ARIH1: variants seen among roughly 807,000 people sequenced by gnomAD.
ARIH1 encodes E3 ubiquitin-protein ligase ARIH1.
Under a neutral mutation model 85.0 loss-of-function variants are expected in ARIH1, and 8 were observed. The observed-to-expected ratio is 0.09, with a 90% confidence interval of 0.06 to 0.17. The LOEUF (loss-of-function observed/expected upper bound fraction) is 0.17, where lower values mean the gene tolerates loss of function less well. Ranked by LOEUF, ARIH1 falls within the 10% of genes least tolerant of loss-of-function variation. The pLI is 1.00. For synonymous variants in ARIH1, 238 were observed against 253.6 expected (o/e 0.94, Z 0.59); for missense variants, 311 against 718.1 (o/e 0.43, Z 6.48).
intron 1 of ARIH1, among the ~76,000 whole-genome samples, chr15:72,487,485 C>T (rs2063842155): frequency 6.6e-6 from 1 of 152,160 alleles, no homozygotes; most frequent in Admixed American, 6.5e-5. Context: ...GGACATTTAT[C>T]TTGGAATTTG....
At chr15:72,491,144 A>G (rs540487030) in intron 1 of ARIH1, among the ~76,000 whole-genome samples, 1 of 151,964 alleles carries the variant, frequency 6.6e-6, no homozygotes, top group Non-Finnish European at 1.5e-5. Context: ...AAAATAAAAG[A>G]TTTATTAGCA....
chr15:72,528,781 G>A (rs2064041662), intron 2 of ARIH1, among the ~76,000 whole-genome samples: 1 of 152,174 alleles, frequency 6.6e-6, no homozygotes, highest in South Asian at 2.1e-4. Flanking sequence ...CTGGAGCCCA[G>A]GAGGGTGGAG....
intron 1 of ARIH1, among the ~76,000 whole-genome samples, chr15:72,498,570 C>T (rs1356183401): frequency 6.6e-6 from 1 of 152,172 alleles, no homozygotes; most frequent in African/African-American, 2.4e-5. Context: ...CTTGGTCTGG[C>T]GTGGTGGCTC....
intron 7 of ARIH1, among the ~76,000 whole-genome samples, chr15:72,564,693 A>G (rs933440666): frequency 6.6e-6 from 1 of 152,176 alleles, no homozygotes; most frequent in Non-Finnish European, 1.5e-5. Context: ...TCTAAACAAC[A>G]TAAATTTATT....
intron 1 of ARIH1, among the ~76,000 whole-genome samples, chr15:72,479,929 G>T (rs974087076): frequency 1.3e-5 from 2 of 150,620 alleles, no homozygotes; most frequent in African/African-American, 2.4e-5. Flanking sequence ...GTGCGGTGGT[G>T]CGATCTCGGC....
chr15:72,488,017 A>G (rs2063844068), intron 1 of ARIH1, among the ~76,000 whole-genome samples: 1 of 151,276 alleles, frequency 6.6e-6, no homozygotes, highest in Non-Finnish European at 1.5e-5. Flanking sequence ...TCTTCTTTTG[A>G]TACCTTTTCT....
chr15:72,478,856 C>T (rs2063804405), intron 1 of ARIH1, among the ~76,000 whole-genome samples: 2 of 152,154 alleles, frequency 1.3e-5, no homozygotes, highest in South Asian at 4.1e-4. Context: ...CAGAAATGCT[C>T]TGAAATCACT....
At position 72,588,416 on chromosome 15, in the gene ARIH1, A is replaced by T. The variant is rs1172503477; in HGVS notation, c.*5124A>T. The T allele has an allele frequency of 2.6e-5, 4 of 152,182 alleles. No homozygotes were observed. The highest frequency in any genetic ancestry group is 5.9e-5 in the Non-Finnish European group (4 of 68,026). The allele number at this position is 152,182 out of a possible 1,614,324, so 9.4% of individuals were successfully genotyped here. A position where few individuals can be genotyped will look rare whatever the true frequency, so the allele number is the denominator to read the frequency against. ...AATATTAGTGCCTGAGTGTTACTTTATGGAGATTATGATTTAATTGCTTTG... is the reference window on the plus strand; with the variant it reads ...AATATTAGTGCCTGAGTGTTACTTTTTGGAGATTATGATTTAATTGCTTTG... On this transcript the variant is annotated 3_prime_UTR_variant, in exon 14 of 14. Coordinates refer to ENST00000379887, the MANE Select transcript of ARIH1 (RefSeq NM_005744.5).
chr15:72,529,058 C>T (rs1175457449), intron 2 of ARIH1, among the ~76,000 whole-genome samples: 4 of 150,996 alleles, frequency 2.6e-5, no homozygotes, highest in African/African-American at 9.7e-5. Context: ...AAATTAGCCG[C>T]GTGTGGTGAT....
intron 1 of ARIH1, among the ~76,000 whole-genome samples, chr15:72,506,438 G>A (rs903552248): frequency 5.3e-5 from 8 of 150,330 alleles, no homozygotes; most frequent in East Asian, 3.9e-4. Context: ...GGATATTTTC[G>A]TGTGTTTTTC....
At chr15:72,544,553 TACACAC>T (rs3028479) in intron 2 of ARIH1, among the ~76,000 whole-genome samples, 12 of 149,376 alleles carry the variant, frequency 8.0e-5, no homozygotes, top group African/African-American at 1.7e-4. Context: ...TTTACATACA[TACACAC>T]ACACACACAC....
At chr15:72,516,814 G>A (rs1210843218) in intron 1 of ARIH1, among the ~76,000 whole-genome samples, 1 of 152,036 alleles carries the variant, frequency 6.6e-6, no homozygotes, top group Non-Finnish European at 1.5e-5. Flanking sequence ...AGCTAACTAC[G>A]GTCTGCTTGT....
Position 72,591,565 on chromosome 15 carries a change from CA to C in ARIH1, c.*8274del, listed in dbSNP as rs952472488. ...TCTTAGGGATCCTATCCAAAAACACCATTACTTGAATTTCCCAGCTTCCTTT... is the reference window on the plus strand; with the variant it reads ...TCTTAGGGATCCTATCCAAAAACACCTTACTTGAATTTCCCAGCTTCCTTT... On this transcript the variant is annotated 3_prime_UTR_variant, in exon 14 of 14. Coordinates refer to ENST00000379887, the MANE Select transcript of ARIH1 (RefSeq NM_005744.5). The C allele has an allele frequency of 2.0e-5, 3 of 152,182 alleles. No individual in the cohort carries two copies. Among genetic ancestry groups the C allele is most frequent in the Non-Finnish European group, 4.4e-5 (3 of 68,052 alleles). 9.4% of individuals were successfully genotyped at this position (152,182 alleles called of 1,614,324 possible).
chr15:72,494,591 A>T (rs921685090), intron 1 of ARIH1, among the ~76,000 whole-genome samples: 6 of 152,168 alleles, frequency 3.9e-5, no homozygotes, highest in African/African-American at 1.4e-4. Flanking sequence ...GTTGAGATGG[A>T]CTTAATTCAC....
chr15:72,576,277 G>A (rs1370897742), intron 11 of ARIH1, among the ~76,000 whole-genome samples: 5 of 152,014 alleles, frequency 3.3e-5, no homozygotes, highest in African/African-American at 7.2e-5. Flanking sequence ...AGGCCGAGGC[G>A]GGCGGATCAC....
intron 1 of ARIH1, among the ~76,000 whole-genome samples, chr15:72,491,592 T>G (rs931170408): frequency 6.6e-6 from 1 of 152,178 alleles, no homozygotes; most frequent in Non-Finnish European, 1.5e-5. Context: ...TTGATAAAAA[T>G]AAGTCTTGGT....
At chr15:72,571,517 G>GT (rs914690485) in intron 10 of ARIH1, among the ~76,000 whole-genome samples, 2 of 152,086 alleles carry the variant, frequency 1.3e-5, no homozygotes, top group African/African-American at 4.8e-5. Flanking sequence ...ACCTCTCTGG[G>GT]TATGTTTTCC....
chr15:72,478,037 C>T (rs556472957), intron 1 of ARIH1, among the ~76,000 whole-genome samples: 1 of 152,278 alleles, frequency 6.6e-6, no homozygotes, highest in East Asian at 1.9e-4. Context: ...AACTCCTGGC[C>T]TCAAGTGATC....
intron 12 of ARIH1, 96 bp from the exon 13 acceptor site, chr15:72,581,979 G>A: frequency 2.8e-6 from 2 of 724,494 alleles, no homozygotes; most frequent in South Asian, 3.7e-5. Context: ...GTTACAGAAT[G>A]AGTGTTGAGA....
Sources: gnomAD v4.1 joint callset for allele counts (sites outside exome capture counted in the v4.1 genomes callset) on GRCh38, gnomAD v4.1.1 for gene constraint, MANE v1.5 for transcripts, NCBI Gene and HGNC (gene_info 2026-07-23, HGNC 2026-07-21) for gene names.